Variants in EYS observed in about 807,000 individuals in gnomAD.
EYS encodes the protein protein eyes shut homolog.
In EYS, 250 loss-of-function variants were observed where a neutral mutation model predicts 282.1. The ratio of observed to expected loss-of-function variants is 0.89; its 90% CI spans 0.80 to 0.98. EYS has a LOEUF of 0.98. EYS is among the 50% of genes least tolerant of loss of function. The pLI, the probability that EYS is intolerant of heterozygous loss-of-function variation, is 0.00. For synonymous variants in EYS, 1,355 were observed against 1,282.9 expected, an observed-to-expected ratio of 1.06 and a Z score of -1.20; for missense variants, 4,016 against 3,709.0, an observed-to-expected ratio of 1.08 and a Z score of -2.15.
At chr6:64,367,382 A>T (rs1772215092) in intron 29 of EYS, among the ~76,000 whole-genome samples, 1 of 152,040 alleles carries the variant, frequency 6.6e-6, no homozygotes, top group African/African-American at 2.4e-5. Context: ...AAAAAATTAT[A>T]TATATTTGTA....
intron 1 of EYS, among the ~76,000 whole-genome samples, chr6:65,666,069 T>G (rs998968591): frequency 5.3e-5 from 8 of 150,890 alleles, no homozygotes; most frequent in African/African-American, 1.5e-4. Flanking sequence ...ACAATTCAAA[T>G]CTTTTTTTTT....
intron 29 of EYS, among the ~76,000 whole-genome samples, chr6:64,341,126 C>T (rs1771091868): frequency 6.6e-6 from 1 of 151,616 alleles, no homozygotes; most frequent in Non-Finnish European, 1.5e-5. Flanking sequence ...AATGGTTCAA[C>T]CACCCCACCC....
chr6:64,682,427 G>C (rs1295861859), intron 22 of EYS, among the ~76,000 whole-genome samples: 2 of 152,118 alleles, frequency 1.3e-5, no homozygotes, highest in African/African-American at 2.4e-5. Context: ...TGGCACCAGA[G>C]AGAGGCCAAT....
chr6:65,210,221 G>C (rs544537230), intron 12 of EYS, among the ~76,000 whole-genome samples: 2 of 151,914 alleles, frequency 1.3e-5, no homozygotes, highest in Admixed American at 6.6e-5. Context: ...AATTACATGC[G>C]AATGCGTAAT....
intron 12 of EYS, among the ~76,000 whole-genome samples, chr6:65,242,959 T>A (rs1243895506): frequency 1.3e-5 from 2 of 152,184 alleles, no homozygotes; most frequent in African/African-American, 4.8e-5. Flanking sequence ...TATTTTAATG[T>A]GTTTATTTCT....
At chr6:65,004,490 G>C (rs1771574415) in intron 13 of EYS, among the ~76,000 whole-genome samples, 1 of 147,698 alleles carries the variant, frequency 6.8e-6, no homozygotes, top group Non-Finnish European at 1.5e-5. Context: ...GCAAGGGCTG[G>C]AACTGCACTC....
intron 22 of EYS, among the ~76,000 whole-genome samples, chr6:64,801,538 T>G (rs890967695): frequency 8.3e-6 from 1 of 120,000 alleles, no homozygotes; most frequent in African/African-American, 2.5e-5. Flanking sequence ...TGTTATATAC[T>G]CTGGGTTGAT....
intron 2 of EYS, among the ~76,000 whole-genome samples, chr6:65,587,738 C>A (rs1765103535): frequency 6.6e-6 from 1 of 152,030 alleles, no homozygotes; most frequent in Admixed American, 6.6e-5. Flanking sequence ...AAAGGATGAA[C>A]TGTAAACCTT....
At chr6:65,579,247 C>A (rs1164168772) in intron 2 of EYS, among the ~76,000 whole-genome samples, 4 of 151,856 alleles carry the variant, frequency 2.6e-5, no homozygotes, top group Non-Finnish European at 4.4e-5. Context: ...CAAGAAGATA[C>A]AACATATATT....
chr6:64,547,662 C>T (rs1273138886), intron 26 of EYS, among the ~76,000 whole-genome samples: 8 of 152,218 alleles, frequency 5.3e-5, no homozygotes, highest in South Asian at 2.1e-4. Flanking sequence ...GCTGGCTTCA[C>T]CCAGTGGATC....
At chr6:63,976,372 A>G (rs1766838309) in intron 35 of EYS, among the ~76,000 whole-genome samples, 1 of 152,090 alleles carries the variant, frequency 6.6e-6, no homozygotes, top group Non-Finnish European at 1.5e-5. Flanking sequence ...GACCACCATC[A>G]TCTGTTTTGT....
chr6:64,102,818 T>C (rs1469780817), intron 31 of EYS, among the ~76,000 whole-genome samples: 2 of 152,196 alleles, frequency 1.3e-5, no homozygotes, highest in Non-Finnish European at 2.9e-5. Flanking sequence ...TAATTTGATA[T>C]TTATTAAATG....
At chr6:64,095,512 C>T (rs1182844649) in intron 31 of EYS, among the ~76,000 whole-genome samples, 1 of 152,014 alleles carries the variant, frequency 6.6e-6, no homozygotes, top group East Asian at 1.9e-4. Context: ...TATGTAATGG[C>T]CTTCTTTGTC....
chr6:65,387,237 G>A (rs1765835738), intron 7 of EYS, among the ~76,000 whole-genome samples: 1 of 151,896 alleles, frequency 6.6e-6, no homozygotes, highest in Non-Finnish European at 1.5e-5. Flanking sequence ...TGATTTTAAT[G>A]AGAAGTGTCA....
chr6:64,095,698 C>G (rs1445801017), intron 31 of EYS, among the ~76,000 whole-genome samples: 3 of 152,134 alleles, frequency 2.0e-5, no homozygotes, highest in Non-Finnish European at 2.9e-5. Flanking sequence ...TGGGTCTTGA[C>G]TCTTTATCCA....
chr6:63,961,241 G>T (rs1766044285), intron 35 of EYS, among the ~76,000 whole-genome samples: 2 of 152,164 alleles, frequency 1.3e-5, no homozygotes, highest in Admixed American at 1.3e-4. Context: ...CCTGTGACTT[G>T]CACGTATACA....
chr6:65,108,599 T>C (rs1005929143), intron 12 of EYS, among the ~76,000 whole-genome samples: 6 of 152,140 alleles, frequency 3.9e-5, no homozygotes, highest in African/African-American at 1.4e-4. Context: ...TTTATTACCA[T>C]GTTTGTAATA....
chr6:64,402,056 C>T (rs1239734047), intron 28 of EYS, among the ~76,000 whole-genome samples: 1 of 152,122 alleles, frequency 6.6e-6, no homozygotes, highest in African/African-American at 2.4e-5. Flanking sequence ...ATGAATTCTT[C>T]TGGCCCTTTG....
intron 19 of EYS, among the ~76,000 whole-genome samples, chr6:64,875,111 T>C (rs1766705278): frequency 1.3e-5 from 2 of 152,082 alleles, no homozygotes; most frequent in Non-Finnish European, 2.9e-5. Flanking sequence ...CCTCCCTCCA[T>C]GTACTCTCTG....
Sources: allele counts gnomAD v4.1 joint callset (sites outside exome capture counted in the v4.1 genomes callset), GRCh38; gene constraint gnomAD v4.1.1; transcripts MANE v1.5; gene names NCBI Gene and HGNC (gene_info 2026-07-23, HGNC 2026-07-21).